SPATA20: variants seen among roughly 807,000 people sequenced by gnomAD.
SPATA20 encodes the protein spermatogenesis associated 20.
Under a neutral mutation model 98.9 loss-of-function variants are expected in SPATA20, and 74 were observed. That is an observed-to-expected ratio of 0.75 (90% CI 0.62 to 0.91). The LOEUF (loss-of-function observed/expected upper bound fraction) is 0.91. Ranked by LOEUF, SPATA20 falls within the 40% of genes least tolerant of loss-of-function variation. The pLI is 0.00. For missense variants in SPATA20, 1,016 were observed against 1,069.8 expected (o/e 0.95, Z 0.70); for synonymous variants, 430 against 440.5 (o/e 0.98, Z 0.30).
At chr17:50,549,917 C>T (rs2034982732) in intron 7 of SPATA20, 68 bp from the exon 8 acceptor site, 1 of 1,506,786 alleles carries the variant, frequency 6.6e-7, no homozygotes, top group East Asian at 2.3e-5. Context: ...CCCAAGGCCT[C>T]CTGACCACCC....
At position 50,550,608 on chromosome 17, in the gene SPATA20, C is replaced by T. The variant is rs763922422; in HGVS notation, c.1171C>T (p.Arg391Trp). 21 of 1,613,826 alleles carry T rather than the reference C, an allele frequency of 1.3e-5. No homozygotes were observed. The highest frequency in any genetic ancestry group is 1.6e-4 in the Middle Eastern group (1 of 6,084). ...GTACGTGGCTCGGAGCCTGAGCCACCGGGTGTGTGTCCATGGTGGCAGGCA... is the reference window on the plus strand; with the variant it reads ...GTACGTGGCTCGGAGCCTGAGCCACTGGGTGTGTGTCCATGGTGGCAGGCA... ...LQYVARSLSHRSGGFYSAEDA... is the reference protein window; with the variant it reads ...LQYVARSLSHWSGGFYSAEDA... Residue 391 changes from arginine to tryptophan, a missense_variant and splice_region_variant, in exon 10 of 17, where the codon CGG becomes TGG. Transcript: ENST00000006658.
At chr17:50,554,993 C>T (rs4296303) in intron 15 of SPATA20, among the ~76,000 whole-genome samples, 7,657 of 150,830 alleles carry the variant, frequency 0.051, 346 homozygotes, top group Admixed American at 0.13. Context: ...TGTGTCTCCC[C>T]ATGTTTGTAT....
chr17:50,554,927 GTGA>G (rs2035083557), intron 15 of SPATA20, among the ~76,000 whole-genome samples: 1 of 145,532 alleles, frequency 6.9e-6, no homozygotes, highest in African/African-American at 2.6e-5. Flanking sequence ...GTGTGTGTGT[GTGA>G]CTACTCTGTG....
rs371593531 is a variant in SPATA20, at chr17:50,548,816, A to G, written c.368A>G (p.Tyr123Cys). ...TCCCCATGGCCCTGTTCAGTCGGGT[A>G]CTCCACCTGCCACTGGTGCCACATG... is the stretch of plus-strand genomic sequence containing the variant. ...ENKPIFLSVG[Y>C]STCHWCHMME... The change falls in exon 5 of 17, where the codon TAC becomes TGC. Residue 123 changes from tyrosine (Y) to cysteine (C), a missense_variant. Transcript: ENST00000006658. 1.3e-4 allele frequency: 209 copies of G among 1,611,952 alleles called. No homozygotes were observed. Among genetic ancestry groups the G allele is most frequent in the Non-Finnish European group, 1.4e-4 (165 of 1,179,122 alleles).
Position 50,551,175 on chromosome 17 carries a change from C to T in SPATA20, c.1561C>T (p.Leu521=). 1 of 1,609,140 alleles carries T rather than the reference C, an allele frequency of 6.2e-7. No individual in the cohort carries two copies. Among genetic ancestry groups the T allele is most frequent in the South Asian group, 1.1e-5 (1 of 90,744 alleles). ...RPKPHLDSKM[L]AAWNGLMVSG... The stretch of plus-strand genomic sequence containing the variant: ...CAAGCCGCACCTGGACAGCAAGATG[C>T]TGGCTGCCTGGAATGGTGGGGCAGC... The change falls in exon 12 of 17, where the codon CTG becomes TTG. Residue 521 remains leucine (L), a synonymous_variant. Transcript: ENST00000006658.
chr17:50,555,466 C>T (rs1415656133), intron 16 of SPATA20, 26 bp from the exon 17 acceptor site: 5 of 1,612,008 alleles, frequency 3.1e-6, no homozygotes, highest in Middle Eastern at 1.6e-4. Flanking sequence ...CGGCAGGTGA[C>T]TCTCCCTGCT....
At position 50,547,702 on chromosome 17, in the gene SPATA20, A is replaced by AG; in HGVS notation, c.78-16dup. On this transcript the variant is annotated splice_polypyrimidine_tract_variant and intron_variant, in intron 1 of 16. Coordinates refer to ENST00000006658, the MANE Select transcript of SPATA20 (RefSeq NM_022827.4). ...TCCCACTTCCAGGCTGAACTCCCTG[A>AG]GGTCTCTGATTCCCTAGGTGTCCTG... is the stretch of plus-strand genomic sequence containing the variant. 1 of 781,018 alleles carries AG rather than the reference A, an allele frequency of 1.3e-6. No homozygotes were observed. 48.4% of individuals were successfully genotyped at this position (781,018 alleles called of 1,614,324 possible). A position where few individuals can be genotyped will look rare whatever the true frequency, so the allele number is the denominator to read the frequency against.
intron 2 of SPATA20, 86 bp downstream of exon 2, chr17:50,547,853 C>T: frequency 4.0e-6 from 4 of 1,001,234 alleles, no homozygotes; most frequent in Non-Finnish European, 6.4e-6. Flanking sequence ...CTGATCTTGG[C>T]CTGTCCAGCC....
intron 4 of SPATA20, 36 bp downstream of exon 4, chr17:50,548,654 G>T: frequency 1.2e-6 from 2 of 1,605,562 alleles, no homozygotes; most frequent in Non-Finnish European, 1.7e-6. Context: ...GGGGGTGTGG[G>T]CAGGGAGTGG....
In SPATA20 at chr17:50,548,309, G is replaced by T. The variant is rs370629404; in HGVS notation, c.152G>T (p.Arg51Leu). The stretch of plus-strand genomic sequence containing the variant: ...GGTAGCTCCTCCCGGGACAAGGACC[G>T]AAGTGCGACGGTCAGTAGTTCAGTG... The part of the protein sequence containing the change: ...SRGSSSRDKD[R>L]SATVSSSVPM... The change falls in exon 3 of 17, where the codon CGA (arginine) becomes CTA (leucine). Residue 51 changes from arginine (R) to leucine (L), a missense_variant. Arg to Leu is a moderately radical substitution (Grantham distance 102). Coordinates refer to ENST00000006658, the MANE Select transcript of SPATA20 (RefSeq NM_022827.4). 2 of 1,613,658 alleles carry T rather than the reference G, an allele frequency of 1.2e-6. No homozygotes were observed. Among genetic ancestry groups the T allele is most frequent in the East Asian group, 4.5e-5 (2 of 44,870 alleles).
chr17:50,548,004 G>T, intron 2 of SPATA20: 2 of 1,471,282 alleles, frequency 1.4e-6, no homozygotes, highest in South Asian at 2.8e-5. Flanking sequence ...TGCCCATTGT[G>T]ACCCGCCCTG....
In SPATA20 at chr17:50,547,480, T is replaced by C. The variant is rs2034932113; in HGVS notation, c.77+195T>C. On this transcript the variant is annotated intron_variant, in intron 1 of 16. Coordinates refer to ENST00000006658, the MANE Select transcript of SPATA20 (RefSeq NM_022827.4). ...GCCCTCCTCCCCTCCTCTCCCGTCC[T>C]CATCCCTTCCCTCCTCTCCCCTTCC... 4.6e-5 allele frequency: 29 copies of C among 633,376 alleles called. No homozygotes were observed. In the South Asian group the frequency reaches 5.3e-4, roughly 12 times the overall value. The allele number at this position is 633,376 out of a possible 1,614,324, so 39.2% of individuals were successfully genotyped here. A position where few individuals can be genotyped will look rare whatever the true frequency, so the allele number is the denominator to read the frequency against.
chr17:50,547,174 G>C lies in SPATA20; in HGVS notation c.-35G>C. The C allele has an allele frequency of 3.5e-6, 5 of 1,409,020 alleles. No homozygotes were observed. Among genetic ancestry groups the C allele is most frequent in the Non-Finnish European group, 4.6e-6 (5 of 1,090,074 alleles). 87.3% of individuals were successfully genotyped at this position (1,409,020 alleles called of 1,614,324 possible). A position where few individuals can be genotyped will look rare whatever the true frequency, so the allele number is the denominator to read the frequency against. On this transcript the variant is annotated 5_prime_UTR_variant, in exon 1 of 17. Transcript: ENST00000006658. ...TCGCAGCCTCCTGACTTCCCTTCCT[G>C]TCCTCAGCGGCCGGGCCCACGGCCC...
Position 50,551,691 on chromosome 17 carries a change from G to C in SPATA20, c.1745+12G>C. ...ACTGTGGAGCACAGGTTGGGGGCTG[G>C]GTAGACCGGGAGGGCCCGTCTCCCC... On this transcript the variant is annotated intron_variant, in intron 13 of 16. Transcript: ENST00000006658. The C allele has an allele frequency of 1.9e-6, 3 of 1,582,848 alleles. No homozygotes were observed. The highest frequency in any genetic ancestry group is 1.7e-6 in the Non-Finnish European group (2 of 1,156,226).
Position 50,552,002 on chromosome 17 carries a change from C to T in SPATA20, c.1779C>T (p.Tyr593=), listed in dbSNP as rs768505174. 20 of 1,611,014 alleles carry T rather than the reference C, an allele frequency of 1.2e-5. No homozygotes were observed. Among genetic ancestry groups the T allele is most frequent in the Middle Eastern group, 1.6e-4 (1 of 6,076 alleles). ...CCTGCTGGGGCTTCCTGGAGGACTA[C>T]GCCTTCGTGGTGCGGGGCCTGCTGG... ...NPPCWGFLED[Y]AFVVRGLLDL... The change falls in exon 14 of 17, where the codon TAC becomes TAT. Residue 593 remains tyrosine, a synonymous_variant. Transcript: ENST00000006658.
Position 50,551,036 on chromosome 17 carries a change from C to A in SPATA20, c.1422C>A (p.Thr474=). The A allele has an allele frequency of 1.2e-6, 2 of 1,613,420 alleles. No individual in the cohort carries two copies. Among genetic ancestry groups the A allele is most frequent in the Non-Finnish European group, 1.7e-6 (2 of 1,180,014 alleles). The change falls in exon 12 of 17, where the codon ACC becomes ACA. Residue 474 remains threonine (T), a synonymous_variant. Transcript: ENST00000006658. ...KGELQGQNVL[T]VRYSLELTAA... is the part of the protein sequence containing the mutation. ...AGCTGCAGGGCCAGAATGTGCTGAC[C>A]GTCCGGTACTCGCTGGAGCTGACTG...
At chr17:50,548,698 G>T (rs1597868675) in intron 4 of SPATA20, 80 bp downstream of exon 4, 1 of 1,587,502 alleles carries the variant, frequency 6.3e-7, no homozygotes, top group East Asian at 2.3e-5. Flanking sequence ...CGGCCTGGCG[G>T]GTCTTCCAGG....
chr17:50,548,108 C>CA, intron 2 of SPATA20, 175 bp from the exon 3 acceptor site: 5 of 1,505,924 alleles, frequency 3.3e-6, no homozygotes, highest in Admixed American at 2.2e-5. Context: ...CCTCACCCCC[C>CA]AAAAAACATA....
At position 50,548,863 on chromosome 17, in the gene SPATA20, A is replaced by G. The variant is rs1455812807; in HGVS notation, c.415A>G (p.Asn139Asp). 4 of 1,614,120 alleles carry G rather than the reference A, an allele frequency of 2.5e-6. No individual in the cohort carries two copies. The highest frequency in any genetic ancestry group is 3.4e-6 in the Non-Finnish European group (4 of 1,180,002). The change falls in exon 5 of 17, where the codon AAT (asparagine) becomes GAT (aspartate). Residue 139 changes from asparagine (N) to aspartate (D), a missense_variant. Coordinates refer to ENST00000006658, the MANE Select transcript of SPATA20 (RefSeq NM_022827.4). ...CATGATGGAAGAGGAGTCCTTCCAGAATGAGGAGATTGGCCGCCTGCTCAG... is the reference window on the plus strand; with the variant it reads ...CATGATGGAAGAGGAGTCCTTCCAGGATGAGGAGATTGGCCGCCTGCTCAG... ...CHMMEEESFQ[N>D]EEIGRLLSED...
Sources: allele counts gnomAD v4.1 joint callset (sites outside exome capture counted in the v4.1 genomes callset), GRCh38; gene constraint gnomAD v4.1.1; transcripts MANE v1.5; gene names NCBI Gene and HGNC (gene_info 2026-07-23, HGNC 2026-07-21).